Variants in REPS2 observed in about 807,000 individuals in gnomAD.
The protein encoded by REPS2 is RALBP1 associated Eps domain containing 2.
REPS2 carries 23 observed loss-of-function variants against 53.6 expected under a neutral mutation model. That is an observed-to-expected ratio of 0.43 (90% confidence interval 0.31 to 0.61). REPS2 has a LOEUF of 0.61. Ranked by LOEUF, REPS2 falls within the 20% of genes least tolerant of loss-of-function variation. The pLI is 0.11. For synonymous variants in REPS2, 238 were observed against 218.6 expected (o/e 1.09, Z -0.78); for missense variants, 446 against 534.9 (o/e 0.83, Z 1.64).
chrX:16,968,514 G>A (rs1476883082), intron 1 of REPS2, among the ~76,000 whole-genome samples: 58 of 97,852 alleles, frequency 5.9e-4, no homozygotes, highest in African/African-American at 2.1e-3. Flanking sequence ...CTGGCCGGGC[G>A]GGGGGCTGAC....
chrX:17,068,203 A>G (rs979222598), intron 9 of REPS2, among the ~76,000 whole-genome samples, 199 bp from the exon 10 acceptor site: 2 of 109,788 alleles, frequency 1.8e-5, no homozygotes, highest in Non-Finnish European at 3.8e-5. Context: ...AGTCCCAGCT[A>G]CTCGGGAGGC....
intron 15 of REPS2, among the ~76,000 whole-genome samples, chrX:17,134,584 T>C (rs2063337229): frequency 8.9e-6 from 1 of 111,843 alleles, no homozygotes; most frequent in Non-Finnish European, 1.9e-5. Flanking sequence ...AGCATATGAC[T>C]AAGACCTTTA....
intron 6 of REPS2, among the ~76,000 whole-genome samples, chrX:17,048,772 G>A (rs1370518885): frequency 5.3e-5 from 6 of 112,773 alleles, no homozygotes; most frequent in Non-Finnish European, 7.5e-5. Flanking sequence ...GATGATGCTG[G>A]TAAAAACAAA....
intron 2 of REPS2, among the ~76,000 whole-genome samples, chrX:17,016,047 G>A (rs1007437654): frequency 2.4e-4 from 27 of 111,624 alleles, no homozygotes; most frequent in East Asian, 5.6e-4. Flanking sequence ...AAGTGTTCCT[G>A]TTTCTCCACA....
chrX:16,968,935 G>A (rs1489637040), intron 1 of REPS2, among the ~76,000 whole-genome samples: 3 of 110,927 alleles, frequency 2.7e-5, no homozygotes, highest in Admixed American at 9.4e-5. Flanking sequence ...CAGACGGGGC[G>A]GCTGCCGGGC....
chrX:17,051,009 T>A (rs1874148381), intron 6 of REPS2, among the ~76,000 whole-genome samples: 1 of 111,575 alleles, frequency 9.0e-6, no homozygotes, highest in East Asian at 2.8e-4. Context: ...ACTCTCTCCC[T>A]GCCACTACCC....
intron 1 of REPS2, among the ~76,000 whole-genome samples, chrX:16,996,559 A>G (rs113443364): frequency 2.7e-5 from 3 of 112,301 alleles, no homozygotes; most frequent in Admixed American, 9.4e-5. Flanking sequence ...TATTTTAACA[A>G]TTGGATTGGG....
chrX:17,033,365 A>G (rs1056421103), intron 5 of REPS2, among the ~76,000 whole-genome samples: 2 of 110,748 alleles, frequency 1.8e-5, no homozygotes, highest in Admixed American at 9.6e-5. Context: ...TTCTCACTCT[A>G]CTTACTCTTT....
intron 1 of REPS2, among the ~76,000 whole-genome samples, chrX:16,977,006 T>G (rs1030786553): frequency 4.4e-4 from 49 of 111,743 alleles, no homozygotes; most frequent in African/African-American, 1.6e-3. Context: ...CTTGAAAGAT[T>G]AGCATATTGA....
At chrX:17,094,418 A>C (rs1425618592) in intron 13 of REPS2, among the ~76,000 whole-genome samples, 1 of 112,098 alleles carries the variant, frequency 8.9e-6, no homozygotes, top group Non-Finnish European at 1.9e-5. Flanking sequence ...AAATATCATG[A>C]TATACCTTGT....
At chrX:17,013,312 T>G (rs1462376038) in intron 2 of REPS2, among the ~76,000 whole-genome samples, 2 of 112,481 alleles carry the variant, frequency 1.8e-5, no homozygotes, top group Non-Finnish European at 3.8e-5. Flanking sequence ...CTTCCTGTGC[T>G]CTAGTTAGTT....
At chrX:17,140,324 A>T (rs1285557773) in intron 17 of REPS2, among the ~76,000 whole-genome samples, 3 of 110,520 alleles carry the variant, frequency 2.7e-5, no homozygotes, top group South Asian at 3.9e-4. Context: ...GGTTTTTGAC[A>T]TACCATACTC....
In REPS2 at chrX:16,951,559, A is replaced by ACACACACACACACACACAC. The variant is rs879259718; in HGVS notation, c.273+4426_273+4427insACACACACACACACACACC. The stretch of plus-strand genomic sequence containing the variant: ...CACACACACACACACACACACACAC[A>ACACACACACACACACACAC]CCCCCGCTACCTACCTCTCTCTGGG... On this transcript the variant is annotated intron_variant, in intron 1 of 17. Coordinates refer to ENST00000357277, the MANE Select transcript of REPS2 (RefSeq NM_004726.3). Among the ~76,000 whole-genome samples, 35 of 37,509 alleles carry ACACACACACACACACACAC rather than the reference A, an allele frequency of 9.3e-4. 2 individuals are homozygous for ACACACACACACACACACAC. The highest frequency in any genetic ancestry group is 4.5e-3 in the East Asian group (5 of 1,106). The allele number at this position is 37,509 out of a possible 115,157, so 32.6% of individuals were successfully genotyped here.
In REPS2 at chrX:17,149,548, C is replaced by T. The variant is rs1180684330; in HGVS notation, c.*2067C>T. The T allele has an allele frequency of 1.8e-5, 2 of 113,388 alleles. No individual in the cohort carries two copies. The highest frequency in any genetic ancestry group is 3.7e-5 in the Non-Finnish European group (2 of 54,122). 9.3% of individuals were successfully genotyped at this position (113,388 alleles called of 1,213,427 possible). A position where few individuals can be genotyped will look rare whatever the true frequency, so the allele number is the denominator to read the frequency against. The stretch of plus-strand genomic sequence containing the variant: ...CTCGAATTCCTGACCTCAAGTGATC[C>T]ACCCGCCTTGGCCTCTCGAAGTGCT... On this transcript the variant is annotated 3_prime_UTR_variant, in exon 18 of 18. Transcript: ENST00000357277.
chrX:17,103,890 A>T (rs2062839132), intron 14 of REPS2, 111 bp downstream of exon 14: 1 of 686,495 alleles, frequency 1.5e-6, no homozygotes, highest in African/African-American at 2.2e-5. Flanking sequence ...GAGATTCCCA[A>T]GCTGATACCC....
intron 8 of REPS2, among the ~76,000 whole-genome samples, chrX:17,061,521 A>C (rs1395675814): frequency 8.9e-6 from 1 of 112,743 alleles, no homozygotes; most frequent in Non-Finnish European, 1.9e-5. Flanking sequence ...ATTAAAAACA[A>C]TGCCAATCCA....
At chrX:17,181,846 A>T in the REPS2 span, among the ~76,000 whole-genome samples, 2 of 112,017 alleles carry the variant, frequency 1.8e-5, no homozygotes, top group African/African-American at 6.5e-5. Flanking sequence ...TTTTGTTCAC[A>T]TGGGTATTTT....
At chrX:16,970,795 C>G (rs1449375923) in intron 1 of REPS2, among the ~76,000 whole-genome samples, 6 of 112,355 alleles carry the variant, frequency 5.3e-5, no homozygotes, top group Non-Finnish European at 9.4e-5. Context: ...TGATTGTCTT[C>G]TTTCTCTTAG....
chrX:17,145,943 A>G (rs1012364998), intron 17 of REPS2, among the ~76,000 whole-genome samples: 4 of 110,146 alleles, frequency 3.6e-5, no homozygotes, highest in Non-Finnish European at 7.6e-5. Flanking sequence ...CCCCGTTTCT[A>G]CTAAAAATAC....
Sources: gnomAD v4.1 joint callset for allele counts (sites outside exome capture counted in the v4.1 genomes callset) on GRCh38, gnomAD v4.1.1 for gene constraint, MANE v1.5 for transcripts, NCBI Gene and HGNC (gene_info 2026-07-23, HGNC 2026-07-21) for gene names.